Variants in NCOR1 observed in about 807,000 individuals in gnomAD.
The protein encoded by NCOR1 is nuclear receptor corepressor 1, also known as protein phosphatase 1, regulatory subunit 109.
In NCOR1, 63 loss-of-function variants were observed where a neutral mutation model predicts 288.1. The observed-to-expected ratio is 0.22, with a 90% CI of 0.18 to 0.27. The LOEUF (loss-of-function observed/expected upper bound fraction) is 0.27. Ranked by LOEUF, NCOR1 falls within the 10% of genes least tolerant of loss-of-function variation. The probability of loss-of-function intolerance (pLI) is 1.00; values close to 1 mark genes in which losing one functional copy is unlikely to be tolerated. For synonymous variants in NCOR1, 1,007 were observed against 1,065.9 expected, an observed-to-expected ratio of 0.94 and a Z score of 1.08; for missense variants, 2,397 against 3,019.2, an observed-to-expected ratio of 0.79 and a Z score of 4.83.
intron 8 of NCOR1, among the ~76,000 whole-genome samples, chr17:16,150,501 A>G (rs1446222078): frequency 6.6e-6 from 1 of 152,202 alleles, no homozygotes; most frequent in Non-Finnish European, 1.5e-5. Context: ...CGTTACTCAA[A>G]AGCAAATGAC....
At chr17:16,175,509 T>A (rs1220790059) in intron 3 of NCOR1, among the ~76,000 whole-genome samples, 3 of 152,170 alleles carry the variant, frequency 2.0e-5, no homozygotes, top group Non-Finnish European at 4.4e-5. Context: ...ATAACTATAC[T>A]TTATCATTCG....
At chr17:16,056,353 C>T (rs968067596) in intron 40 of NCOR1, among the ~76,000 whole-genome samples, 1 of 138,578 alleles carries the variant, frequency 7.2e-6, no homozygotes, top group Admixed American at 7.8e-5. Flanking sequence ...CGCTCTGTCG[C>T]CCAGGCTGCA....
intron 21 of NCOR1, among the ~76,000 whole-genome samples, chr17:16,092,691 ATATATTTT>A (rs1399586193): frequency 3.8e-3 from 41 of 10,790 alleles, no homozygotes; most frequent in South Asian, 6.3e-3. Context: ...ATATATATAT[ATATATTTT>A]TTTTTTTTTT....
intron 22 of NCOR1, chr17:16,087,256 A>G: frequency 7.7e-7 from 1 of 1,304,290 alleles, no homozygotes; most frequent in South Asian, 1.2e-5. Flanking sequence ...CTACACGGTG[A>G]GGCTGACCTT....
At chr17:16,058,164 G>T in intron 38 of NCOR1, 100 bp from the exon 39 acceptor site, 2 of 1,309,250 alleles carry the variant, frequency 1.5e-6, no homozygotes, top group Non-Finnish European at 1.1e-6. Flanking sequence ...GAAAGGATGT[G>T]GTACATAGCT....
chr17:16,074,100 G>A (rs1411851234), intron 27 of NCOR1, among the ~76,000 whole-genome samples: 6 of 152,186 alleles, frequency 3.9e-5, no homozygotes, highest in Non-Finnish European at 7.4e-5. Flanking sequence ...CGTGGTAACC[G>A]GCTAATGTGT....
intron 3 of NCOR1, among the ~76,000 whole-genome samples, chr17:16,185,683 CAAAAAAA>C (rs58712974): frequency 0.026 from 855 of 33,336 alleles, 22 homozygotes; most frequent in African/African-American, 0.096. Context: ...GACTCTTTCT[CAAAAAAA>C]AAAAAAAAAA....
intron 1 of NCOR1, among the ~76,000 whole-genome samples, chr17:16,212,916 A>C (rs191753410): frequency 9.9e-5 from 15 of 152,120 alleles, no homozygotes; most frequent in Non-Finnish European, 1.2e-4. Context: ...TACAAACAAA[A>C]AAAAAAATTA....
chr17:16,099,705 C>T (rs73981449), intron 20 of NCOR1, among the ~76,000 whole-genome samples: 2,203 of 152,248 alleles, frequency 0.014, 60 homozygotes, highest in African/African-American at 0.051. Flanking sequence ...AGGGACTACA[C>T]AGCTTGAATC....
At chr17:16,141,016 A>C (rs988625787) in intron 11 of NCOR1, among the ~76,000 whole-genome samples, 1 of 151,868 alleles carries the variant, frequency 6.6e-6, no homozygotes, top group African/African-American at 2.4e-5. Flanking sequence ...AAAAAAGGAA[A>C]ATTCACTTGT....
chr17:16,201,165 A>T lies in NCOR1; in HGVS notation c.-70-6526T>A, dbSNP rs2090750318. Among the ~76,000 whole-genome samples the T allele has an allele frequency of 2.0e-5, 3 of 152,250 alleles. No individual in the cohort carries two copies. The South Asian group carries it at 6.2e-4, about 31-fold the overall frequency. The stretch of plus-strand genomic sequence containing the variant: ...GCCTCTTTTGACATCATGACATCTT[A>T]CTTAAAGACAGAGAAACAAATAGAA... On this transcript the variant is annotated intron_variant, in intron 1 of 45. Coordinates refer to ENST00000268712, the MANE Select transcript of NCOR1 (RefSeq NM_006311.4).
intron 4 of NCOR1, among the ~76,000 whole-genome samples, chr17:16,165,566 G>A (rs2081870874): frequency 6.6e-6 from 1 of 152,196 alleles, no homozygotes; most frequent in South Asian, 2.1e-4. Context: ...GGTAAAACCT[G>A]TGTGTCCACC....
chr17:16,067,960 C>A lies in NCOR1; in HGVS notation c.4675G>T (p.Val1559Phe), dbSNP rs767811611. ...TGCGTGGGCAGGTGGCTCCGATAAA[C>A]CTCGCCTGCAGTGCTGCCTCTGTGA... ...PHHRGSTAGE[V>F]YRSHLPTHLD... The change falls in exon 32 of 46, where the codon GTT becomes TTT. Residue 1559 changes from valine (V) to phenylalanine (F), a missense_variant. Around this residue, in one of 11 missense-constraint regions of NCOR1, gnomAD observed 1,872 missense variants for 2,187.8 expected, o/e 0.86. Transcript: ENST00000268712. 1.9e-6 allele frequency: 3 copies of A among 1,614,194 alleles called. No individual in the cohort carries two copies.
At chr17:16,151,702 A>G in intron 8 of NCOR1, 2 of 1,226,014 alleles carry the variant, frequency 1.6e-6, no homozygotes, top group Non-Finnish European at 2.3e-6. Context: ...TTTTACTAGC[A>G]GATTATAAAA....
chr17:16,136,132 G>C (rs2153233069), intron 14 of NCOR1, among the ~76,000 whole-genome samples: 1 of 152,296 alleles, frequency 6.6e-6, no homozygotes, highest in African/African-American at 2.4e-5. Context: ...TTGCAACTGT[G>C]AAAACTAACC....
chr17:16,197,000 C>G (rs1157311795), intron 1 of NCOR1, among the ~76,000 whole-genome samples: 5 of 147,978 alleles, frequency 3.4e-5, no homozygotes, highest in African/African-American at 1.3e-4. Context: ...CTGGGTGATA[C>G]AATGAAACTC....
intron 1 of NCOR1, among the ~76,000 whole-genome samples, chr17:16,204,400 C>T (rs2091239426): frequency 6.6e-6 from 1 of 152,088 alleles, no homozygotes; most frequent in Non-Finnish European, 1.5e-5. Context: ...AAAAAGAAAC[C>T]ACTGAAGTAT....
chr17:16,134,537 G>C (rs1179390443), intron 14 of NCOR1, among the ~76,000 whole-genome samples: 1 of 152,086 alleles, frequency 6.6e-6, no homozygotes, highest in Non-Finnish European at 1.5e-5. Flanking sequence ...CAACAAGAAT[G>C]TACAGAAGAG....
chr17:16,204,229 CA>C (rs1183063684), intron 1 of NCOR1, among the ~76,000 whole-genome samples: 1 of 152,084 alleles, frequency 6.6e-6, no homozygotes, highest in Non-Finnish European at 1.5e-5. Context: ...AATAGTGGGG[CA>C]AAAAACAGAT....
Sources: gnomAD v4.1 joint callset for allele counts (sites outside exome capture counted in the v4.1 genomes callset) on GRCh38, gnomAD v4.1.1 for gene constraint, gnomAD v4.1.1 regional missense constraint, MANE v1.5 for transcripts, NCBI Gene and HGNC (gene_info 2026-07-23, HGNC 2026-07-21) for gene names.